Variants in TRPM5 observed in about 807,000 individuals in gnomAD.
TRPM5 encodes the protein transient receptor potential cation channel subfamily M member 5, also known as MLSN1 and TRP-related.
A neutral mutation model predicts 124.9 loss-of-function variants in TRPM5; 121 were observed. The observed-to-expected ratio is 0.97, with a 90% CI of 0.84 to 1.13. TRPM5 has a LOEUF of 1.13. Among genes scored for constraint, TRPM5 ranks in the 50% most tolerant of loss-of-function variants. The pLI is 0.00. For missense variants in TRPM5, 1,643 were observed against 1,589.1 expected, an observed-to-expected ratio of 1.03 and a Z score of -0.58; for synonymous variants, 781 against 700.5, an observed-to-expected ratio of 1.11 and a Z score of -1.81.
At chr11:2,406,045 T>G (rs144047503) in exon 22 of TRPM5, 23 of 1,612,204 alleles carry the variant, frequency 1.4e-5, no homozygotes, top group Non-Finnish European at 1.9e-5. Context: ...TTGATGCGCT[T>G]TTCTTGCTCT....
chr11:2,440,465 C>G, the TRPM5 span, among the ~76,000 whole-genome samples: 1 of 152,110 alleles, frequency 6.6e-6, no homozygotes, highest in Admixed American at 6.5e-5. The surrounding 1 kb of genome is among the most constrained non-coding windows in gnomAD (Gnocchi z 5.2). Flanking sequence ...GTCCAGCCAC[C>G]CTGCCCCATC....
chr11:2,418,725 A>G lies in TRPM5; in HGVS notation c.650-134T>C, dbSNP rs116503574. ...ATAAAGTGTGGGCTTCGTCTGGGCC[A>G]CGTGACACAGGCTGCTTATTACAGC... is the stretch of plus-strand genomic sequence containing the variant. On this transcript the variant is annotated intron_variant, in intron 4 of 23. Coordinates refer to ENST00000155858, the Ensembl canonical transcript of TRPM5. The G allele has an allele frequency of 2.9e-3, 2,498 of 864,484 alleles. 52 individuals are homozygous for G. In the African/African-American group the frequency reaches 0.039, roughly 14 times the overall value. 53.6% of individuals were successfully genotyped at this position (864,484 alleles called of 1,614,324 possible). A position where few individuals can be genotyped will look rare whatever the true frequency, so the allele number is the denominator to read the frequency against.
rs184984385 is a variant in TRPM5 at position 2,415,241 on chromosome 11, C to T, written c.1359G>A (p.Glu453=). Reference sequence around the variant, plus strand: ...AGAAGGCCGGTGGCCCCGCGGGTGGCTCCCGGGCCTGCTGGGTGCCCAGGC... The same window carrying T: ...AGAAGGCCGGTGGCCCCGCGGGTGGTTCCCGGGCCTGCTGGGTGCCCAGGC... The change falls in exon 9 of 24, where the codon GAG becomes GAA. Residue 453 remains glutamate (E), a synonymous_variant. Coordinates refer to ENST00000155858, the Ensembl canonical transcript of TRPM5. 177 of 1,571,330 alleles carry T rather than the reference C, an allele frequency of 1.1e-4. No individual in the cohort carries two copies. In the East Asian group the frequency reaches 4.0e-3, roughly 35 times the overall value.
chr11:2,422,242 T>A (rs918903537), exon 2 of TRPM5: 2 of 1,611,908 alleles, frequency 1.2e-6, no homozygotes, highest in Middle Eastern at 1.6e-4. Context: ...CACCACCAGG[T>A]TGGGGGCCGG....
upstream of TRPM5, among the ~76,000 whole-genome samples, chr11:2,424,469 C>A (rs752935226): frequency 1.8e-4 from 28 of 152,236 alleles, no homozygotes; most frequent in Non-Finnish European, 2.8e-4. Flanking sequence ...AGGCCCTTTG[C>A]AGATGTATTA....
the TRPM5 span, among the ~76,000 whole-genome samples, chr11:2,437,050 T>C: frequency 6.6e-6 from 1 of 152,208 alleles, no homozygotes; most frequent in Non-Finnish European, 1.5e-5. The surrounding 1 kb of genome is among the most constrained non-coding windows in gnomAD (Gnocchi z 5.6). Context: ...GCCCCACTGC[T>C]TTCTGTCCTG....
At chr11:2,407,894 G>C in exon 19 of TRPM5, 1 of 1,613,816 alleles carries the variant, frequency 6.2e-7, no homozygotes, top group African/African-American at 1.3e-5. Flanking sequence ...TGGGTGGGTG[G>C]AGCAGTTCAC....
intron 18 of TRPM5, among the ~76,000 whole-genome samples, chr11:2,409,869 A>AG (rs751136388): frequency 6.6e-6 from 1 of 152,176 alleles, no homozygotes; most frequent in East Asian, 1.9e-4. Flanking sequence ...CACTCGGAGC[A>AG]GGGGCCCCTC....
At position 2,405,411 on chromosome 11, in the gene TRPM5, G is replaced by C. The variant is rs1040761025; in HGVS notation, c.3391+116C>G. On this transcript the variant is annotated intron_variant, in intron 23 of 23. Transcript: ENST00000155858. Reference sequence around the variant, plus strand: ...GAGCCGCGTCCAGCCAAGGCCTCCTGAGACTCCCGGGCCAGGCAGGGAAGG... The same window carrying C: ...GAGCCGCGTCCAGCCAAGGCCTCCTCAGACTCCCGGGCCAGGCAGGGAAGG... The C allele has an allele frequency of 1.4e-5, 16 of 1,130,980 alleles. No individual in the cohort carries two copies. In the African/African-American group the frequency reaches 2.3e-4, roughly 16 times the overall value. 70.1% of individuals were successfully genotyped at this position (1,130,980 alleles called of 1,614,324 possible). A position where few individuals can be genotyped will look rare whatever the true frequency, so the allele number is the denominator to read the frequency against.
At chr11:2,421,989 TG>T in intron 2 of TRPM5, 151 bp downstream of exon 7, 2 of 656,008 alleles carry the variant, frequency 3.0e-6, no homozygotes, top group East Asian at 3.1e-5. Context: ...CCGTGTGGGG[TG>T]GGAGCATTGC....
At position 2,413,245 on chromosome 11, in the gene TRPM5, T is replaced by C; in HGVS notation, c.2004-19A>G. 6.6e-7 allele frequency: 1 copy of C among 1,522,346 alleles called. No individual in the cohort carries two copies. The highest frequency in any genetic ancestry group is 8.8e-7 in the Non-Finnish European group (1 of 1,135,980). 94.3% of individuals were successfully genotyped at this position (1,522,346 alleles called of 1,614,324 possible). A position where few individuals can be genotyped will look rare whatever the true frequency, so the allele number is the denominator to read the frequency against. ...TTCCTCACTGCGAGCACAGGAGAGC[T>C]CAGGGCCCGCAGGAAGGGCTCCCAG... On this transcript the variant is annotated intron_variant, in intron 13 of 23. Transcript: ENST00000155858.
intron 3 of TRPM5, 52 bp downstream of exon 8, chr11:2,420,980 G>C: frequency 6.7e-7 from 1 of 1,492,626 alleles, no homozygotes; most frequent in Non-Finnish European, 8.9e-7. Flanking sequence ...ACCCTTCTGA[G>C]CCCCTGCCTC....
Position 2,411,529 on chromosome 11 carries a change from C to T in TRPM5, c.2608-3G>A. 1 of 1,607,872 alleles carries T rather than the reference C, an allele frequency of 6.2e-7. No individual in the cohort carries two copies. Among genetic ancestry groups the T allele is most frequent in the Non-Finnish European group, 8.5e-7 (1 of 1,176,514 alleles). Reference sequence around the variant, plus strand: ...AGGAAGAAGAAGACGTCCTTCATCTCCACGGGGCAGGGGCAGAGAGAGGGA... The same window carrying T: ...AGGAAGAAGAAGACGTCCTTCATCTTCACGGGGCAGGGGCAGAGAGAGGGA... On this transcript the variant is annotated splice_region_variant and splice_polypyrimidine_tract_variant and intron_variant, in intron 17 of 23. Coordinates refer to ENST00000155858, the Ensembl canonical transcript of TRPM5.
rs935815017 is a variant in TRPM5, at chr11:2,414,101, T to G, written c.1850A>C (p.Glu617Ala). The G allele has an allele frequency of 2.5e-6, 4 of 1,572,878 alleles. No individual in the cohort carries two copies. The East Asian group carries it at 9.4e-5, about 37-fold the overall frequency. ...GGCAAAGAAGGCCTTGGCGTCAGCC[T>G]CGGTGGCCAGGTGCAGGCAGGTGGT... The change falls in exon 12 of 24, where the codon GAG becomes GCG. Residue 617 changes from glutamate (E) to alanine (A), a missense_variant. Physicochemically the swap from Glu to Ala is moderately radical, Grantham distance 107. Transcript: ENST00000155858.
At chr11:2,440,456 T>G in the TRPM5 span, among the ~76,000 whole-genome samples, 1 of 152,162 alleles carries the variant, frequency 6.6e-6, no homozygotes, top group African/African-American at 2.4e-5. This position sits in a 1 kb window ranked among gnomAD's most constrained non-coding sequence, Gnocchi z 5.2. Context: ...GGTGGCTCTG[T>G]CCAGCCACCC....
chr11:2,417,414 C>A (rs1776573923), intron 7 of TRPM5, among the ~76,000 whole-genome samples: 1 of 152,210 alleles, frequency 6.6e-6, no homozygotes. Context: ...GAGATCGCAG[C>A]ACTGCACTCC....
At chr11:2,437,914 T>C in the TRPM5 span, among the ~76,000 whole-genome samples, 1 of 152,182 alleles carries the variant, frequency 6.6e-6, no homozygotes, top group South Asian at 2.1e-4. This position sits in a 1 kb window ranked among gnomAD's most constrained non-coding sequence, Gnocchi z 5.6. Context: ...AGGGGCTTGC[T>C]GATGAACGTA....
chr11:2,424,527 TC>T (rs1845819840), upstream of TRPM5, among the ~76,000 whole-genome samples: 1 of 152,216 alleles, frequency 6.6e-6, no homozygotes, highest in Non-Finnish European at 1.5e-5. Context: ...GAGCCCTGAT[TC>T]CCAGGTTCTG....
chr11:2,429,671 TGTA>T, the TRPM5 span, among the ~76,000 whole-genome samples: 2 of 150,602 alleles, frequency 1.3e-5, no homozygotes, highest in East Asian at 4.0e-4. The surrounding 1 kb of genome is among the most constrained non-coding windows in gnomAD (Gnocchi z 8.4). Context: ...GTGTGGGTGA[TGTA>T]GTGGTGGGGA....
Sources: gnomAD v4.1 joint callset for allele counts (sites outside exome capture counted in the v4.1 genomes callset) on GRCh38, gnomAD v4.1.1 for gene constraint, Gnocchi (gnomAD v3.1) non-coding constraint, MANE v1.5 for transcripts, NCBI Gene and HGNC (gene_info 2026-07-23, HGNC 2026-07-21) for gene names.